Variants in PXDNL observed in about 807,000 individuals in gnomAD.
PXDNL encodes the protein peroxidasin like.
Under a neutral mutation model 150.8 loss-of-function variants are expected in PXDNL, and 145 were observed. That is an observed-to-expected ratio of 0.96 (90% CI 0.84 to 1.10). The LOEUF is 1.10. Ranked by LOEUF, PXDNL falls within the 50% of genes least tolerant of loss-of-function variation. The pLI is 0.00. For missense variants in PXDNL, 2,087 were observed against 1,873.9 expected, an observed-to-expected ratio of 1.11 and a Z score of -2.10; for synonymous variants, 757 against 725.7, an observed-to-expected ratio of 1.04 and a Z score of -0.69.
Position 51,436,095 on chromosome 8 carries a change from C to T in PXDNL, c.1526-9337G>A. 1.2e-5 allele frequency: 6 copies of T among 512,736 alleles called. No individual in the cohort carries two copies. In the East Asian group the frequency reaches 1.6e-4, roughly 14 times the overall value. The allele number at this position is 512,736 out of a possible 1,614,324, so 31.8% of individuals were successfully genotyped here. A position where few individuals can be genotyped will look rare whatever the true frequency, so the allele number is the denominator to read the frequency against. On this transcript the variant is annotated intron_variant, in intron 12 of 22. Transcript: ENST00000356297. ...CTGGAAACCTTTTGAAAGGTTCTTG[C>T]CCCTTTTGTCTTGACCCAGCTTTTG...
chr8:51,619,972 A>C (rs1284173444), intron 2 of PXDNL, among the ~76,000 whole-genome samples: 1 of 152,076 alleles, frequency 6.6e-6, no homozygotes, highest in African/African-American at 2.4e-5. Flanking sequence ...CCCATATCTC[A>C]AAAAGCTTTG....
chr8:51,558,588 A>G (rs988797817), intron 3 of PXDNL, among the ~76,000 whole-genome samples: 1 of 152,116 alleles, frequency 6.6e-6, no homozygotes, highest in African/African-American at 2.4e-5. Flanking sequence ...ATGAAATCAT[A>G]AAATATTCAT....
chr8:51,607,983 A>AAG (rs202223484), intron 2 of PXDNL, among the ~76,000 whole-genome samples: 9,972 of 132,978 alleles, frequency 0.075, 1,090 homozygotes, highest in African/African-American at 0.18. Context: ...GGAAGGAAGG[A>AAG]AGAGAGAGAG....
At chr8:51,672,546 C>G (rs953340600) in intron 1 of PXDNL, among the ~76,000 whole-genome samples, 1 of 152,064 alleles carries the variant, frequency 6.6e-6, no homozygotes, top group Non-Finnish European at 1.5e-5. Flanking sequence ...TACAAATAAC[C>G]TGAAGCTCTT....
intron 5 of PXDNL, among the ~76,000 whole-genome samples, chr8:51,491,968 C>T (rs1167599880): frequency 1.3e-5 from 2 of 152,144 alleles, no homozygotes; most frequent in African/African-American, 4.8e-5. Flanking sequence ...CACTTTCCTA[C>T]CTCATTTCAT....
chr8:51,618,086 C>T lies in PXDNL; in HGVS notation c.237-25388G>A, dbSNP rs78562068. Among the ~76,000 whole-genome samples, 859 of 152,336 alleles carry T rather than the reference C, an allele frequency of 5.6e-3. 15 individuals carry two copies. The highest frequency in any genetic ancestry group is 0.02 in the African/African-American group (824 of 41,578). On this transcript the variant is annotated intron_variant, in intron 2 of 22. Transcript: ENST00000356297. The stretch of plus-strand genomic sequence containing the variant: ...AGCTCCCTGGTGAGTCATTGTGCAA[C>T]AAAAATGGCCTTCTGGGCCCCCAGG...
intron 2 of PXDNL, among the ~76,000 whole-genome samples, chr8:51,643,856 A>C (rs540426449): frequency 6.6e-6 from 1 of 152,304 alleles, no homozygotes; most frequent in East Asian, 1.9e-4. Flanking sequence ...AGAAAAAAAC[A>C]ACCCCATCAA....
chr8:51,522,954 T>C (rs1188063498), intron 4 of PXDNL, among the ~76,000 whole-genome samples: 1 of 152,216 alleles, frequency 6.6e-6, no homozygotes, highest in Non-Finnish European at 1.5e-5. Context: ...CTTAAGACCA[T>C]TAACTGATAT....
intron 19 of PXDNL, among the ~76,000 whole-genome samples, chr8:51,346,380 GT>G (rs924561988): frequency 6.6e-6 from 1 of 152,172 alleles, no homozygotes; most frequent in Non-Finnish European, 1.5e-5. Flanking sequence ...CTAGGGATTT[GT>G]TTTTTAAGAT....
chr8:51,431,157 T>A (rs1809237407), intron 12 of PXDNL, among the ~76,000 whole-genome samples: 1 of 152,164 alleles, frequency 6.6e-6, no homozygotes, highest in Admixed American at 6.6e-5. Flanking sequence ...GTCAATTGGA[T>A]CATTAGAGTT....
In PXDNL at chr8:51,592,708, CA is replaced by C; in HGVS notation, c.237-11del. On this transcript the variant is annotated splice_polypyrimidine_tract_variant and intron_variant, in intron 2 of 22. Transcript: ENST00000356297. ...GTTGTTGTTCAGCAGACTGAAAAAG[CA>C]AAAACAAACAAATAATTCCCAAATG... The C allele has an allele frequency of 6.5e-7, 1 of 1,531,078 alleles. No individual in the cohort carries two copies. 94.8% of individuals were successfully genotyped at this position (1,531,078 alleles called of 1,614,324 possible). A position where few individuals can be genotyped will look rare whatever the true frequency, so the allele number is the denominator to read the frequency against.
chr8:51,473,877 A>G (rs7845343), intron 7 of PXDNL, among the ~76,000 whole-genome samples: 148,441 of 152,252 alleles, frequency 0.97, 72,485 homozygotes, highest in East Asian at 1. Flanking sequence ...AGGATTATAG[A>G]TGAAGAAATG....
intron 19 of PXDNL, among the ~76,000 whole-genome samples, chr8:51,364,154 CTA>C (rs1358578686): frequency 6.6e-6 from 1 of 152,212 alleles, no homozygotes; most frequent in African/African-American, 2.4e-5. Context: ...CCTTAATGCA[CTA>C]TGTCAAGGTG....
chr8:51,642,049 C>G lies in PXDNL; in HGVS notation c.236+12640G>C, dbSNP rs111867227. 5.8e-3 allele frequency among the ~76,000 whole-genome samples: 880 copies of G among 152,202 alleles called. 10 individuals carry two copies. The highest frequency in any genetic ancestry group is 0.02 in the African/African-American group (831 of 41,496). On this transcript the variant is annotated intron_variant, in intron 2 of 22. Transcript: ENST00000356297. ...CCATAAAAAAGGATGAGTTCATGTC[C>G]TTTGTAGGGACATGGATGAAATTGG...
At chr8:51,345,381 A>C (rs1218369969) in intron 20 of PXDNL, among the ~76,000 whole-genome samples, 1 of 152,218 alleles carries the variant, frequency 6.6e-6, no homozygotes, top group Non-Finnish European at 1.5e-5. Flanking sequence ...TCAATTTTCT[A>C]AGAGTTCAAA....
At chr8:51,365,490 G>A (rs1330685710) in intron 19 of PXDNL, among the ~76,000 whole-genome samples, 1 of 152,156 alleles carries the variant, frequency 6.6e-6, no homozygotes, top group East Asian at 1.9e-4. Context: ...TGGTTGGTTT[G>A]GTTTATGGGA....
Position 51,409,109 on chromosome 8 carries a change from C to G in PXDNL, c.2515G>C (p.Asp839His), listed in dbSNP as rs766002097. 7 of 1,608,724 alleles carry G rather than the reference C, an allele frequency of 4.4e-6. No individual in the cohort carries two copies. In the African/African-American group the frequency reaches 6.7e-5, roughly 15 times the overall value. ...GTGTTCATGGGGAAACAAGGAGGGT[C>G]GTTGGTGCAGACGGAGCTGCACGGC... ...GRPCSSVCTN[D>H]PPCFPMNTRH... is the part of the protein sequence containing the mutation. Residue 839 changes from aspartate to histidine, a missense_variant, in exon 17 of 23, where the codon GAC (aspartate) becomes CAC (histidine). Transcript: ENST00000356297.
chr8:51,466,667 G>T (rs946917510), intron 8 of PXDNL, among the ~76,000 whole-genome samples: 1 of 152,090 alleles, frequency 6.6e-6, no homozygotes, highest in Non-Finnish European at 1.5e-5. Context: ...CTAATATCCT[G>T]AATCTACAAG....
intron 9 of PXDNL, among the ~76,000 whole-genome samples, chr8:51,455,634 T>C (rs1367263648): frequency 1.3e-5 from 2 of 152,024 alleles, no homozygotes; most frequent in Non-Finnish European, 1.5e-5. Context: ...ATTGAGGACA[T>C]TAGGAAAGGA....
Sources: allele counts gnomAD v4.1 joint callset (sites outside exome capture counted in the v4.1 genomes callset), GRCh38; gene constraint gnomAD v4.1.1; transcripts MANE v1.5; gene names NCBI Gene and HGNC (gene_info 2026-07-23, HGNC 2026-07-21).